The following PHF24 variants were observed in gnomAD, a reference collection of about 807,000 sequenced individuals.
The protein encoded by PHF24 is PHD finger protein 24.
PHF24 carries 25 observed loss-of-function variants against 42.6 expected under a neutral mutation model. That is an observed-to-expected ratio of 0.59 (90% CI 0.43 to 0.82). The LOEUF (loss-of-function observed/expected upper bound fraction) is 0.82, where lower values mean the gene tolerates loss of function less well. PHF24 is among the 40% of genes least tolerant of loss of function. The pLI, the probability that PHF24 is intolerant of heterozygous loss-of-function variation, is 0.00. For synonymous variants in PHF24, 185 were observed against 204.8 expected, an observed-to-expected ratio of 0.90 and a Z score of 0.83; for missense variants, 470 against 538.1, an observed-to-expected ratio of 0.87 and a Z score of 1.25.
chr9:34,814,348 A>C, the PHF24 span, among the ~76,000 whole-genome samples: 2 of 152,218 alleles, frequency 1.3e-5, no homozygotes, highest in African/African-American at 2.4e-5. Flanking sequence ...AGGGATGCCA[A>C]GAATGCAAGG....
chr9:34,811,301 T>C, the PHF24 span, among the ~76,000 whole-genome samples: 1 of 152,202 alleles, frequency 6.6e-6, no homozygotes, highest in African/African-American at 2.4e-5. Flanking sequence ...CCAAAGTTCA[T>C]GTGTTGGAAA....
chr9:34,682,001 G>A, the PHF24 span, among the ~76,000 whole-genome samples: 1 of 764 alleles, frequency 1.3e-3, no homozygotes, highest in African/African-American at 2.6e-3. Flanking sequence ...TTTTGAGGCA[G>A]GGTCTTGCTG....
chr9:34,743,005 G>A, the PHF24 span, among the ~76,000 whole-genome samples: 5 of 152,176 alleles, frequency 3.3e-5, no homozygotes, highest in Non-Finnish European at 5.9e-5. Context: ...ACAGATGCCT[G>A]CCAGTCTAAA....
chr9:34,931,586 A>T, the PHF24 span, among the ~76,000 whole-genome samples: 3 of 152,004 alleles, frequency 2.0e-5, no homozygotes, highest in African/African-American at 4.8e-5. Context: ...CAACAAAAAT[A>T]AAAAATAAAT....
In PHF24 at chr9:34,976,491, G is replaced by A. The variant is rs760561211; in HGVS notation, c.644-44G>A. 1.9e-6 allele frequency: 3 copies of A among 1,581,444 alleles called. No homozygotes were observed. The South Asian group carries it at 3.4e-5, about 18-fold the overall frequency. On this transcript the variant is annotated intron_variant, in intron 4 of 7. Transcript: ENST00000242315. ...CTGGAGGTGATGGAGGTGCCCTGAG[G>A]CTGAGGAAGGATGGGCATGGCTAGC...
the PHF24 span, among the ~76,000 whole-genome samples, chr9:34,842,097 A>G: frequency 0.37 from 56,512 of 152,034 alleles, 10,877 homozygotes; most frequent in East Asian, 0.67. Context: ...GTATGTATAC[A>G]TTTATGTCTG....
chr9:34,852,094 A>G, the PHF24 span, among the ~76,000 whole-genome samples: 10 of 152,314 alleles, frequency 6.6e-5, no homozygotes, highest in African/African-American at 2.4e-4. Context: ...CCTACTCAAC[A>G]TGAAGACAAT....
the PHF24 span, chr9:34,691,240 G>C: frequency 1.0e-6 from 1 of 993,398 alleles, no homozygotes; most frequent in African/African-American, 1.6e-5. Context: ...GGATGCAGGG[G>C]TGAAATGCAA....
At chr9:34,740,425 G>T in the PHF24 span, among the ~76,000 whole-genome samples, 1 of 152,240 alleles carries the variant, frequency 6.6e-6, no homozygotes. Context: ...GCGCAGCGCC[G>T]GTGGGCGGGC....
At chr9:34,694,154 C>G in the PHF24 span, among the ~76,000 whole-genome samples, 1 of 121,806 alleles carries the variant, frequency 8.2e-6, no homozygotes, top group African/African-American at 3.0e-5. Flanking sequence ...GGGTCTATCT[C>G]TATTCTTTTT....
chr9:34,686,926 T>C, the PHF24 span, among the ~76,000 whole-genome samples: 60 of 152,128 alleles, frequency 3.9e-4, no homozygotes, highest in Non-Finnish European at 2.1e-4. Context: ...TGATTAAATG[T>C]AGTCACAGTG....
At chr9:34,740,518 C>T in the PHF24 span, among the ~76,000 whole-genome samples, 1 of 152,226 alleles carries the variant, frequency 6.6e-6, no homozygotes, top group Non-Finnish European at 1.5e-5. Flanking sequence ...CAGGGCCAGC[C>T]GGCTGCTCCG....
chr9:34,719,162 T>C, the PHF24 span, among the ~76,000 whole-genome samples: 1 of 152,158 alleles, frequency 6.6e-6, no homozygotes, highest in African/African-American at 2.4e-5. Context: ...TTCAGCCTCC[T>C]GAGAAGCTGG....
the PHF24 span, among the ~76,000 whole-genome samples, chr9:34,721,783 G>T: frequency 6.6e-6 from 1 of 152,106 alleles, no homozygotes; most frequent in Non-Finnish European, 1.5e-5. Context: ...TCCTGTTAAG[G>T]TCATCAATGA....
the PHF24 span, among the ~76,000 whole-genome samples, chr9:34,754,717 G>A: frequency 6.6e-6 from 1 of 152,094 alleles, no homozygotes; most frequent in Admixed American, 6.6e-5. Flanking sequence ...ACAGCCAAAA[G>A]AAAAGAAGTC....
chr9:34,785,637 C>T, the PHF24 span, among the ~76,000 whole-genome samples: 1 of 152,126 alleles, frequency 6.6e-6, no homozygotes, highest in Non-Finnish European at 1.5e-5. Context: ...TACACACCCC[C>T]GTATCAAGTA....
the PHF24 span, among the ~76,000 whole-genome samples, chr9:34,817,844 C>A: frequency 6.6e-6 from 1 of 152,126 alleles, no homozygotes; most frequent in Non-Finnish European, 1.5e-5. Flanking sequence ...CTAGTACTAT[C>A]TATTGAAGAC....
chr9:34,725,553 C>T, the PHF24 span: 2 of 1,395,618 alleles, frequency 1.4e-6, no homozygotes, highest in Non-Finnish European at 2.0e-6. Flanking sequence ...GTCGTGGTCT[C>T]AGGAGACTGA....
chr9:34,833,080 TTCTC>T, the PHF24 span: 2 of 1,519,438 alleles, frequency 1.3e-6, no homozygotes, highest in Non-Finnish European at 1.8e-6. Flanking sequence ...GGCGTCTCTC[TTCTC>T]TGGTTGAGGA....
Sources: allele counts gnomAD v4.1 joint callset (sites outside exome capture counted in the v4.1 genomes callset), GRCh38; gene constraint gnomAD v4.1.1; transcripts MANE v1.5; gene names NCBI Gene and HGNC (gene_info 2026-07-23, HGNC 2026-07-21).